ANKS1B: variants seen among roughly 807,000 people sequenced by gnomAD.
The protein encoded by ANKS1B is ankyrin repeat and sterile alpha motif domain-containing protein 1B.
In ANKS1B, 36 loss-of-function variants were observed where a neutral mutation model predicts 148.3. The ratio of observed to expected loss-of-function variants is 0.24; its 90% confidence interval spans 0.19 to 0.32. The LOEUF (loss-of-function observed/expected upper bound fraction) is 0.32, where lower values mean the gene tolerates loss of function less well. Among genes scored for constraint, ANKS1B ranks in the 10% least tolerant of loss-of-function variants. ANKS1B has a pLI of 1.00. For missense variants in ANKS1B, 1,157 were observed against 1,542.6 expected (o/e 0.75, Z 4.19); for synonymous variants, 542 against 560.8 (o/e 0.97, Z 0.47).
chr12:98,867,678 T>C (rs577902693), intron 17 of ANKS1B, among the ~76,000 whole-genome samples: 3,332 of 152,074 alleles, frequency 0.022, 126 homozygotes, highest in African/African-American at 0.075. Context: ...GGCTTCATCC[T>C]GGTGAAACCC....
At chr12:98,975,924 G>A (rs139338278) in intron 17 of ANKS1B, among the ~76,000 whole-genome samples, 107 of 152,222 alleles carry the variant, frequency 7.0e-4, no homozygotes, top group African/African-American at 2.3e-3. Context: ...ATGATAGGGC[G>A]GCTTCATTCA....
chr12:99,076,163 T>A (rs959488349), intron 16 of ANKS1B, among the ~76,000 whole-genome samples: 3 of 152,054 alleles, frequency 2.0e-5, no homozygotes, highest in Admixed American at 6.6e-5. Context: ...CTGGGTTTTT[T>A]AAAAGAAATG....
intron 9 of ANKS1B, among the ~76,000 whole-genome samples, chr12:99,555,229 G>A (rs922574887): frequency 1.3e-5 from 2 of 152,050 alleles, no homozygotes; most frequent in Non-Finnish European, 2.9e-5. Context: ...GGGAGAAATT[G>A]CCCAACTACC....
At chr12:99,515,020 A>C (rs1027129062) in intron 9 of ANKS1B, among the ~76,000 whole-genome samples, 2 of 150,650 alleles carry the variant, frequency 1.3e-5, no homozygotes, top group Admixed American at 1.3e-4. Context: ...AAAAAAAAAA[A>C]ACTTTTAAAT....
At chr12:99,398,379 T>C (rs1192039915) in intron 12 of ANKS1B, among the ~76,000 whole-genome samples, 1 of 152,102 alleles carries the variant, frequency 6.6e-6, no homozygotes, top group Admixed American at 6.6e-5. Context: ...ACACATACAC[T>C]CACTGTGAAC....
chr12:99,589,687 C>T (rs1277027520), intron 9 of ANKS1B, among the ~76,000 whole-genome samples: 10 of 152,050 alleles, frequency 6.6e-5, no homozygotes, highest in African/African-American at 2.4e-4. Context: ...GAGCTTAATG[C>T]ATAAAGATAT....
At position 99,930,090 on chromosome 12, in the gene ANKS1B, G is replaced by A. The variant is rs531883536; in HGVS notation, c.134+54014C>T. On this transcript the variant is annotated intron_variant, in intron 1 of 26. Coordinates refer to ENST00000683438, the MANE Select transcript of ANKS1B (RefSeq NM_001352186.2). The stretch of plus-strand genomic sequence containing the variant: ...TTGAATCTATAAATTACCTGGGGCC[G>A]TATGGCCATTTTCACAATATTGATT... 2.9e-3 allele frequency among the ~76,000 whole-genome samples: 448 copies of A among 151,882 alleles called. 2 individuals are homozygous for A. In the Middle Eastern group the frequency reaches 0.031, roughly 10 times the overall value.
At chr12:99,154,475 G>A in intron 14 of ANKS1B, 80 bp from the exon 15 acceptor site, 1 of 1,612,424 alleles carries the variant, frequency 6.2e-7, no homozygotes, top group Non-Finnish European at 8.5e-7. Context: ...GGGCTGAGAG[G>A]TGGCATTGCC....
At chr12:99,107,059 A>G (rs2059373364) in intron 15 of ANKS1B, among the ~76,000 whole-genome samples, 1 of 152,162 alleles carries the variant, frequency 6.6e-6, no homozygotes, top group Non-Finnish European at 1.5e-5. Context: ...ATGCTGCAGC[A>G]GAAGTAATTA....
intron 1 of ANKS1B, among the ~76,000 whole-genome samples, chr12:99,886,688 T>C (rs1195523859): frequency 6.6e-6 from 1 of 152,204 alleles, no homozygotes; most frequent in African/African-American, 2.4e-5. Flanking sequence ...TTAACACTAA[T>C]TGAACCTGAC....
At position 98,829,046 on chromosome 12, in the gene ANKS1B, C is replaced by A; in HGVS notation, c.3066+128G>T. 9.4e-7 allele frequency: 1 copy of A among 1,063,140 alleles called. No individual in the cohort carries two copies. The highest frequency in any genetic ancestry group is 1.4e-6 in the Non-Finnish European group (1 of 714,478). The allele number at this position is 1,063,140 out of a possible 1,614,324, so 65.9% of individuals were successfully genotyped here. ...GTTCAGATGAGCAAGGAATGAAAGG[C>A]GGGGCATAACATGGTATAAATTCTA... On this transcript the variant is annotated intron_variant, in intron 19 of 26. Coordinates refer to ENST00000683438, the MANE Select transcript of ANKS1B (RefSeq NM_001352186.2). This position sits in a 1 kb window ranked among gnomAD's most constrained non-coding sequence, Gnocchi z 5.2.
At chr12:99,930,187 GT>G (rs2094577650) in intron 1 of ANKS1B, among the ~76,000 whole-genome samples, 1 of 151,596 alleles carries the variant, frequency 6.6e-6, no homozygotes, top group Non-Finnish European at 1.5e-5. Flanking sequence ...GCAGTGGTTT[GT>G]AGTTCTCCTT....
chr12:98,798,749 C>A (rs1279434922), intron 22 of ANKS1B, among the ~76,000 whole-genome samples, 185 bp downstream of exon 22: 1 of 152,108 alleles, frequency 6.6e-6, no homozygotes, highest in East Asian at 1.9e-4. Context: ...GACATTAACT[C>A]AAACTATAGT....
intron 10 of ANKS1B, among the ~76,000 whole-genome samples, chr12:99,474,136 C>T (rs2096281180): frequency 6.6e-6 from 1 of 151,992 alleles, no homozygotes; most frequent in African/African-American, 2.4e-5. Context: ...AGACTTAGTA[C>T]ATCTGTTTTC....
intron 17 of ANKS1B, among the ~76,000 whole-genome samples, chr12:98,980,213 T>C (rs1288603313): frequency 2.0e-5 from 3 of 152,230 alleles, no homozygotes; most frequent in African/African-American, 7.2e-5. Flanking sequence ...TTTGTTTGTT[T>C]GTTTTGAGAC....
intron 8 of ANKS1B, among the ~76,000 whole-genome samples, chr12:99,699,634 T>TATA: frequency 6.6e-6 from 1 of 152,204 alleles, no homozygotes; most frequent in Non-Finnish European, 1.5e-5. Context: ...CAAATCTCCT[T>TATA]ACTTGCTAAA....
intron 1 of ANKS1B, among the ~76,000 whole-genome samples, chr12:99,887,055 G>C (rs1232386074): frequency 6.6e-6 from 1 of 152,150 alleles, no homozygotes; most frequent in Admixed American, 6.5e-5. Flanking sequence ...TTGTAGAAAT[G>C]ATCTAATGTA....
intron 17 of ANKS1B, among the ~76,000 whole-genome samples, chr12:99,035,349 A>C (rs894779175): frequency 6.6e-6 from 1 of 152,206 alleles, no homozygotes; most frequent in African/African-American, 2.4e-5. Context: ...GGTCTTGCCC[A>C]ACACAGAGAA....
chr12:99,254,693 T>C (rs1028649722), intron 12 of ANKS1B, among the ~76,000 whole-genome samples: 6 of 152,212 alleles, frequency 3.9e-5, no homozygotes, highest in Non-Finnish European at 8.8e-5. Context: ...TGTCTTATCT[T>C]CTAAGGTTGC....
Sources: allele counts gnomAD v4.1 joint callset (sites outside exome capture counted in the v4.1 genomes callset), GRCh38; gene constraint gnomAD v4.1.1; non-coding constraint Gnocchi (gnomAD v3.1); transcripts MANE v1.5; gene names NCBI Gene and HGNC (gene_info 2026-07-23, HGNC 2026-07-21).